Variants in GRB14 observed in about 807,000 individuals in gnomAD.
GRB14 encodes growth factor receptor bound protein 14, also known as growth factor receptor-bound protein 14.
Under a neutral mutation model 69.1 loss-of-function variants are expected in GRB14, and 38 were observed. That is an observed-to-expected ratio of 0.55 (90% CI 0.42 to 0.72). The LOEUF (loss-of-function observed/expected upper bound fraction) is 0.72. GRB14 is among the 30% of genes least tolerant of loss of function. The pLI, the probability that GRB14 is intolerant of heterozygous loss-of-function variation, is 0.00. For synonymous variants in GRB14, 247 were observed against 241.3 expected, an observed-to-expected ratio of 1.02 and a Z score of -0.22; for missense variants, 666 against 666.1, an observed-to-expected ratio of 1.00 and a Z score of 0.00.
intron 2 of GRB14, among the ~76,000 whole-genome samples, chr2:164,560,766 T>A (rs1688805237): frequency 6.6e-6 from 1 of 152,138 alleles, no homozygotes; most frequent in East Asian, 1.9e-4. Context: ...TTCCTGGTAT[T>A]TTCCCAAACA....
At chr2:164,532,428 T>G (rs975252925) in intron 3 of GRB14, among the ~76,000 whole-genome samples, 3 of 152,200 alleles carry the variant, frequency 2.0e-5, no homozygotes, top group African/African-American at 7.2e-5. Context: ...TATCAGGTCC[T>G]AATCTCTAGA....
At chr2:164,588,464 A>C (rs1689586052) in intron 2 of GRB14, among the ~76,000 whole-genome samples, 1 of 152,210 alleles carries the variant, frequency 6.6e-6, no homozygotes, top group Non-Finnish European at 1.5e-5. Flanking sequence ...AACATCGAGA[A>C]AGCAAATGTG....
At chr2:164,536,293 G>A (rs755297769) in intron 3 of GRB14, among the ~76,000 whole-genome samples, 2 of 152,196 alleles carry the variant, frequency 1.3e-5, no homozygotes, top group Non-Finnish European at 2.9e-5. Flanking sequence ...TTTGATCACT[G>A]TTAAGATAGT....
intron 5 of GRB14, among the ~76,000 whole-genome samples, chr2:164,523,383 A>T (rs757495577): frequency 6.6e-6 from 1 of 152,068 alleles, no homozygotes; most frequent in Non-Finnish European, 1.5e-5. Context: ...CAGCATCCTT[A>T]ATAAGACAGT....
In GRB14 at chr2:164,597,839, G is replaced by T. The variant is rs368828462; in HGVS notation, c.324+21848C>A. Reference sequence around the variant, plus strand: ...GGGAAAAATGGAAATACTTCATCCTGTTCTCTAATGAGTTTCAAAATTGAT... The same window carrying T: ...GGGAAAAATGGAAATACTTCATCCTTTTCTCTAATGAGTTTCAAAATTGAT... On this transcript the variant is annotated intron_variant, in intron 2 of 13. Coordinates refer to ENST00000263915, the MANE Select transcript of GRB14 (RefSeq NM_004490.3). 4.5e-4 allele frequency among the ~76,000 whole-genome samples: 69 copies of T among 152,200 alleles called. 1 individual carries two copies. The South Asian group carries it at 0.014, about 31-fold the overall frequency.
At chr2:164,571,311 G>A (rs1214318462) in intron 2 of GRB14, among the ~76,000 whole-genome samples, 2 of 152,166 alleles carry the variant, frequency 1.3e-5, no homozygotes, top group African/African-American at 4.8e-5. Context: ...CAGAACTGCT[G>A]TGAGGATCAA....
chr2:164,570,529 T>C (rs1689101976), intron 2 of GRB14, among the ~76,000 whole-genome samples: 1 of 152,062 alleles, frequency 6.6e-6, no homozygotes, highest in South Asian at 2.1e-4. Context: ...GATTAAATGC[T>C]AAGTATCAAG....
intron 3 of GRB14, among the ~76,000 whole-genome samples, chr2:164,528,951 T>C (rs1687851726): frequency 6.6e-6 from 1 of 152,188 alleles, no homozygotes; most frequent in African/African-American, 2.4e-5. Flanking sequence ...CAGAAATTTG[T>C]ATACCAATGT....
At chr2:164,618,287 TC>T (rs1690359558) in intron 2 of GRB14, among the ~76,000 whole-genome samples, 2 of 151,124 alleles carry the variant, frequency 1.3e-5, no homozygotes, top group Middle Eastern at 3.5e-3. Context: ...TTTTTTTTTT[TC>T]CACTACCATG....
At chr2:164,542,753 A>G (rs904422450) in intron 3 of GRB14, among the ~76,000 whole-genome samples, 2 of 152,196 alleles carry the variant, frequency 1.3e-5, no homozygotes, top group African/African-American at 4.8e-5. Flanking sequence ...AGATATTGGC[A>G]AGGCTGCAGA....
chr2:164,600,118 G>A (rs1295429512), intron 2 of GRB14, among the ~76,000 whole-genome samples: 1 of 152,064 alleles, frequency 6.6e-6, no homozygotes. Flanking sequence ...GTCATTTAAA[G>A]CATGCACCCT....
intron 2 of GRB14, among the ~76,000 whole-genome samples, chr2:164,583,592 CA>C (rs903281889): frequency 2.0e-5 from 3 of 150,532 alleles, no homozygotes; most frequent in South Asian, 2.1e-4. Context: ...GAGTAACTAC[CA>C]AAAAAAATCC....
intron 3 of GRB14, among the ~76,000 whole-genome samples, chr2:164,537,824 G>A (rs1688117941): frequency 1.3e-5 from 2 of 152,156 alleles, no homozygotes; most frequent in African/African-American, 4.8e-5. Flanking sequence ...CAGAGGGTCA[G>A]GGCACATGGT....
intron 13 of GRB14, 146 bp from the exon 14 acceptor site, chr2:164,493,328 T>C (rs1686808646): frequency 1.8e-5 from 12 of 650,220 alleles, no homozygotes; most frequent in African/African-American, 4.4e-5. Flanking sequence ...GCATATCTAC[T>C]TGTTTTTTTT....
At chr2:164,498,198 G>A (rs1686955162) in intron 9 of GRB14, among the ~76,000 whole-genome samples, 1 of 152,012 alleles carries the variant, frequency 6.6e-6, no homozygotes, top group South Asian at 2.1e-4. Context: ...TTCATCTTGT[G>A]AGAATACACT....
intron 8 of GRB14, among the ~76,000 whole-genome samples, chr2:164,505,283 G>C (rs1687160018): frequency 6.6e-6 from 1 of 152,104 alleles, no homozygotes; most frequent in Non-Finnish European, 1.5e-5. Flanking sequence ...CAGAAAATAA[G>C]CCTCATTGAA....
At chr2:164,584,147 A>ATTTTTTTTT (rs55883951) in intron 2 of GRB14, among the ~76,000 whole-genome samples, 43 of 49,912 alleles carry the variant, frequency 8.6e-4, no homozygotes, top group Non-Finnish European at 1.2e-3. Context: ...CAGCCTGGCT[A>ATTTTTTTTT]TTTTTTTTTT....
chr2:164,589,036 G>T (rs550458996), intron 2 of GRB14, among the ~76,000 whole-genome samples: 1 of 152,096 alleles, frequency 6.6e-6, no homozygotes, highest in Non-Finnish European at 1.5e-5. Context: ...CATATTAGTT[G>T]CAAGTAACTT....
intron 2 of GRB14, among the ~76,000 whole-genome samples, chr2:164,591,964 T>C (rs1490678521): frequency 6.6e-6 from 1 of 152,174 alleles, no homozygotes; most frequent in Non-Finnish European, 1.5e-5. Flanking sequence ...CTGATGATTT[T>C]ATAAGGGGAA....
Sources: allele counts gnomAD v4.1 joint callset (sites outside exome capture counted in the v4.1 genomes callset), GRCh38; gene constraint gnomAD v4.1.1; transcripts MANE v1.5; gene names NCBI Gene and HGNC (gene_info 2026-07-23, HGNC 2026-07-21).